The following KLHL3 variants were observed in gnomAD, a reference collection of about 807,000 sequenced individuals.
KLHL3 encodes the protein kelch like family member 3.
KLHL3 carries 19 observed loss-of-function variants against 70.5 expected under a neutral mutation model. The ratio of observed to expected loss-of-function variants is 0.27; its 90% CI spans 0.19 to 0.40. The LOEUF is 0.40. Among genes scored for constraint, KLHL3 ranks in the 10% least tolerant of loss-of-function variants. The probability of loss-of-function intolerance (pLI) is 1.00; values close to 1 mark genes in which losing one functional copy is unlikely to be tolerated. For synonymous variants in KLHL3, 258 were observed against 290.3 expected (o/e 0.89, Z 1.13); for missense variants, 512 against 771.1 (o/e 0.66, Z 3.98).
In KLHL3 at chr5:137,628,323, T is replaced by C; in HGVS notation, c.1565A>G (p.Asp522Gly). Reference sequence around the variant, plus strand: ...TGCGTTGCGCCGGCACATGTTCATGTCTGCCACTTGCTTCCAGGTATTTGT... The same window carrying C: ...TGCGTTGCGCCGGCACATGTTCATGCCTGCCACTTGCTTCCAGGTATTTGT... The part of the protein sequence containing the change: ...PGTNTWKQVA[D>G]MNMCRRNAGV... Residue 522 changes from aspartate to glycine, a missense_variant, in exon 13 of 15, where the codon GAC (aspartate) becomes GGC (glycine). Physicochemically the swap from Asp to Gly is moderately conservative, Grantham distance 94. Coordinates refer to ENST00000309755, the MANE Select transcript of KLHL3 (RefSeq NM_017415.3). 6.2e-7 allele frequency: 1 copy of C among 1,614,168 alleles called. No individual in the cohort carries two copies. The highest frequency in any genetic ancestry group is 2.2e-5 in the East Asian group (1 of 44,882).
chr5:137,622,204 A>G, intron 14 of KLHL3, 78 bp from the exon 15 acceptor site: 1 of 1,489,992 alleles, frequency 6.7e-7, no homozygotes, highest in Non-Finnish European at 9.4e-7. Context: ...CATGAATCCA[A>G]GATATCCTGA....
At chr5:137,673,433 G>A (rs75301245) in intron 6 of KLHL3, among the ~76,000 whole-genome samples, 58 of 152,252 alleles carry the variant, frequency 3.8e-4, no homozygotes, top group African/African-American at 1.4e-3. Context: ...ACATGAGGAA[G>A]GGGAAGGTCC....
At chr5:137,689,021 G>C (rs1367200053) in intron 5 of KLHL3, among the ~76,000 whole-genome samples, 1 of 152,204 alleles carries the variant, frequency 6.6e-6, no homozygotes, top group Non-Finnish European at 1.5e-5. Context: ...AAGGGGCAAA[G>C]GAGAAAACAC....
intron 8 of KLHL3, among the ~76,000 whole-genome samples, chr5:137,645,420 C>G (rs184309553): frequency 1.2e-3 from 185 of 152,006 alleles, no homozygotes; most frequent in Non-Finnish European, 2.3e-3. Flanking sequence ...AAAGACGCCA[C>G]CAAAAAACTA....
At chr5:137,675,901 A>C (rs1751873108) in intron 6 of KLHL3, among the ~76,000 whole-genome samples, 1 of 152,170 alleles carries the variant, frequency 6.6e-6, no homozygotes, top group African/African-American at 2.4e-5. Flanking sequence ...GGGGCCCCAA[A>C]TTGACCAACT....
intron 13 of KLHL3, among the ~76,000 whole-genome samples, chr5:137,627,216 T>C (rs1184632898): frequency 6.6e-6 from 1 of 152,196 alleles, no homozygotes; most frequent in Non-Finnish European, 1.5e-5. Context: ...TAATAAGACG[T>C]TCATGAGAGA....
intron 6 of KLHL3, 71 bp downstream of exon 6, chr5:137,677,474 C>T: frequency 1.1e-6 from 1 of 872,786 alleles, no homozygotes; most frequent in Non-Finnish European, 1.8e-6. Context: ...AAAGATCTCA[C>T]CAAACCACAA....
intron 8 of KLHL3, among the ~76,000 whole-genome samples, chr5:137,643,779 T>C (rs140515599): frequency 3.9e-5 from 6 of 152,272 alleles, no homozygotes; most frequent in Non-Finnish European, 8.8e-5. Context: ...AAATATACAA[T>C]ACATTATTGT....
chr5:137,680,517 G>A (rs1214222431), intron 5 of KLHL3, among the ~76,000 whole-genome samples: 1 of 151,440 alleles, frequency 6.6e-6, no homozygotes, highest in African/African-American at 2.4e-5. Context: ...ACTTTCCAAA[G>A]TCCAGTTCTG....
chr5:137,694,345 C>T (rs779506803), intron 4 of KLHL3, among the ~76,000 whole-genome samples: 2 of 152,116 alleles, frequency 1.3e-5, no homozygotes, highest in Non-Finnish European at 2.9e-5. Context: ...TAATACATTC[C>T]TGAGAAAGAA....
Position 137,622,045 on chromosome 5 carries a change from A to G in KLHL3, c.*53T>C. ...CAGTCACCAAGGTCCTGCTGTTCAG[A>G]GTCACAGGCAGCACCTGCTCCTTCC... On this transcript the variant is annotated 3_prime_UTR_variant, in exon 15 of 15. Transcript: ENST00000309755. 9 of 1,594,812 alleles carry G rather than the reference A, an allele frequency of 5.6e-6. No homozygotes were observed. Among genetic ancestry groups the G allele is most frequent in the Non-Finnish European group, 7.7e-6 (9 of 1,162,396 alleles).
intron 8 of KLHL3, among the ~76,000 whole-genome samples, chr5:137,649,524 C>G (rs1430182563): frequency 6.6e-6 from 1 of 152,218 alleles, no homozygotes; most frequent in Non-Finnish European, 1.5e-5. Flanking sequence ...AACAGCTTGA[C>G]TGTATGAGAG....
chr5:137,661,921 T>A lies in KLHL3; in HGVS notation c.747A>T (p.Leu249=). Residue 249 remains leucine, a synonymous_variant, in exon 7 of 15, where the codon CTA becomes CTT. Transcript: ENST00000309755. ...CTCTTCATACAACACTCACTTGGACTAGGTAGTCCCTAGGTAAGAGAGGAA... is the reference window on the plus strand; with the variant it reads ...CTCTTCATACAACACTCACTTGGACAAGGTAGTCCCTAGGTAAGAGAGGAA... The part of the protein sequence containing the change: ...VRLPLLPRDY[L]VQTVEEEALI... The A allele has an allele frequency of 6.4e-7, 1 of 1,570,830 alleles. No individual in the cohort carries two copies. The highest frequency in any genetic ancestry group is 8.8e-7 in the Non-Finnish European group (1 of 1,140,654).
chr5:137,732,410 C>T lies in KLHL3; in HGVS notation c.14+3223G>A, dbSNP rs571277697. On this transcript the variant is annotated intron_variant, in intron 1 of 14. Coordinates refer to ENST00000309755, the MANE Select transcript of KLHL3 (RefSeq NM_017415.3). The stretch of plus-strand genomic sequence containing the variant: ...TCTTCTTAAGAGATTTTGGCCTGAA[C>T]AAACATGCATCCAGCCCATGGTTCC... Among the ~76,000 whole-genome samples the T allele has an allele frequency of 1.1e-4, 17 of 151,110 alleles. No homozygotes were observed. In the South Asian group the frequency reaches 3.6e-3, roughly 32 times the overall value.
chr5:137,687,404 G>A lies in KLHL3; in HGVS notation c.526+4881C>T, dbSNP rs1580762102. Among the ~76,000 whole-genome samples the A allele has an allele frequency of 1.0e-4, 3 of 29,894 alleles. 1 individual carries two copies. Among genetic ancestry groups the A allele is most frequent in the Admixed American group, 8.1e-4 (3 of 3,692 alleles). The allele number at this position is 29,894 out of a possible 152,430, so 19.6% of individuals were successfully genotyped here. On this transcript the variant is annotated intron_variant, in intron 5 of 14. Transcript: ENST00000309755. The stretch of plus-strand genomic sequence containing the variant: ...CTCTGCCTGGCGAGCCGCCCCGTCC[G>A]GGAGGGTGGTGGGGGGGTCAGCCCC...
At chr5:137,692,756 A>G (rs1052704368) in intron 4 of KLHL3, 1 of 300,308 alleles carries the variant, frequency 3.3e-6, no homozygotes, top group Admixed American at 4.5e-5. Context: ...TGCATTTCTA[A>G]TAAGAACTCA....
intron 1 of KLHL3, among the ~76,000 whole-genome samples, chr5:137,728,194 TAACA>T (rs1425815833): frequency 6.6e-6 from 1 of 152,184 alleles, no homozygotes; most frequent in African/African-American, 2.4e-5. Context: ...CCTGAAAATT[TAACA>T]AACAGCTTTT....
At chr5:137,622,166 C>A in intron 14 of KLHL3, 40 bp from the exon 15 acceptor site, 3 of 1,611,576 alleles carry the variant, frequency 1.9e-6, no homozygotes, top group Non-Finnish European at 2.5e-6. Context: ...CTTAGCTTCT[C>A]CAAAATTACT....
rs79441959 is a variant in KLHL3, at chr5:137,618,759, C to T, written c.*3339G>A. On this transcript the variant is annotated 3_prime_UTR_variant, in exon 15 of 15. Transcript: ENST00000309755. ...CCTCACCCCCACAGAAAGCAGACTC[C>T]AAAAAAAAAAAAAAAGACACAATCA... 9.0e-6 allele frequency: 1 copy of T among 110,606 alleles called. No homozygotes were observed. Among genetic ancestry groups the T allele is most frequent in the Non-Finnish European group, 2.0e-5 (1 of 49,286 alleles). 6.9% of individuals were successfully genotyped at this position (110,606 alleles called of 1,614,324 possible).
Sources: allele counts gnomAD v4.1 joint callset (sites outside exome capture counted in the v4.1 genomes callset), GRCh38; gene constraint gnomAD v4.1.1; transcripts MANE v1.5; gene names NCBI Gene and HGNC (gene_info 2026-07-23, HGNC 2026-07-21).